Variants in UNC5C observed in about 807,000 individuals in gnomAD.
UNC5C encodes the protein unc-5 netrin receptor C.
UNC5C carries 47 observed loss-of-function variants against 99.8 expected under a neutral mutation model. The ratio of observed to expected loss-of-function variants is 0.47; its 90% CI spans 0.37 to 0.60. The LOEUF is 0.60. UNC5C is among the 20% of genes least tolerant of loss of function. UNC5C has a pLI of 0.00. For missense variants in UNC5C, 1,062 were observed against 1,165.9 expected, an observed-to-expected ratio of 0.91 and a Z score of 1.30; for synonymous variants, 487 against 452.2, an observed-to-expected ratio of 1.08 and a Z score of -0.98.
rs1350410161 is a variant in UNC5C, at chr4:95,166,765, A to G, written c.*2469T>C. 1 of 152,170 alleles carries G rather than the reference A, an allele frequency of 6.6e-6. No homozygotes were observed. Among genetic ancestry groups the G allele is most frequent in the Non-Finnish European group, 1.5e-5 (1 of 68,026 alleles). The allele number at this position is 152,170 out of a possible 1,614,324, so 9.4% of individuals were successfully genotyped here. A position where few individuals can be genotyped will look rare whatever the true frequency, so the allele number is the denominator to read the frequency against. On this transcript the variant is annotated 3_prime_UTR_variant, in exon 16 of 16. Coordinates refer to ENST00000453304, the MANE Select transcript of UNC5C (RefSeq NM_003728.4). ...GACAAGTTTATTTCAAAATGTAGGA[A>G]TGGACAATAGCTCTCTTTCCTCCTC...
chr4:95,522,569 AGCTTAAAAAAATCAAT>A (rs1051771007), intron 1 of UNC5C, among the ~76,000 whole-genome samples: 2 of 152,184 alleles, frequency 1.3e-5, no homozygotes, highest in Non-Finnish European at 2.9e-5. Flanking sequence ...CACAAAAAAA[AGCTTAAAAAAATCAAT>A]GGTGAAAAGA....
At chr4:95,335,342 AT>A (rs1743290717) in intron 2 of UNC5C, 67 bp downstream of exon 2, 1 of 1,359,776 alleles carries the variant, frequency 7.4e-7, no homozygotes, top group Non-Finnish European at 1.0e-6. Flanking sequence ...AAATAACAGT[AT>A]GTCCACATGC....
intron 3 of UNC5C, among the ~76,000 whole-genome samples, chr4:95,288,666 G>T (rs1741331790): frequency 6.6e-6 from 1 of 152,238 alleles, no homozygotes; most frequent in Admixed American, 6.5e-5. Context: ...CTTAGGGAGA[G>T]ACCATGACTT....
At chr4:95,536,286 G>C (rs1222147202) in intron 1 of UNC5C, among the ~76,000 whole-genome samples, 1 of 152,062 alleles carries the variant, frequency 6.6e-6, no homozygotes. Flanking sequence ...AGGTTGGCTA[G>C]GCTGGTCTTG....
intron 12 of UNC5C, among the ~76,000 whole-genome samples, chr4:95,185,596 T>A (rs1185398355): frequency 2.6e-5 from 4 of 152,196 alleles, no homozygotes; most frequent in African/African-American, 9.7e-5. Flanking sequence ...AGATTTTCAA[T>A]TAACTTTTAC....
intron 1 of UNC5C, among the ~76,000 whole-genome samples, chr4:95,466,433 G>A (rs1747780488): frequency 6.6e-6 from 1 of 152,088 alleles, no homozygotes; most frequent in Admixed American, 6.6e-5. Context: ...AAATTATGAT[G>A]CTTGTAACTT....
intron 1 of UNC5C, among the ~76,000 whole-genome samples, chr4:95,518,008 C>T (rs1413958899): frequency 6.6e-6 from 1 of 152,134 alleles, no homozygotes; most frequent in Non-Finnish European, 1.5e-5. Flanking sequence ...ACTGCATTAA[C>T]TCTAATCATG....
chr4:95,422,535 A>T (rs762683362), intron 1 of UNC5C, among the ~76,000 whole-genome samples: 1 of 149,724 alleles, frequency 6.7e-6, no homozygotes, highest in African/African-American at 2.5e-5. Context: ...GCCACTGATT[A>T]GATTTGCAAC....
chr4:95,178,256 T>C lies in UNC5C; in HGVS notation c.2451+4641A>G, dbSNP rs577513239. ...GATGCACCTCTAATAGTTATTCTGC[T>C]CTTTCTTTTCTTTGATCTCTGTCAG... On this transcript the variant is annotated intron_variant, in intron 14 of 15. Coordinates refer to ENST00000453304, the MANE Select transcript of UNC5C (RefSeq NM_003728.4). 2.3e-4 allele frequency among the ~76,000 whole-genome samples: 35 copies of C among 152,314 alleles called. No individual in the cohort carries two copies. In the South Asian group the frequency reaches 6.4e-3, roughly 28 times the overall value.
chr4:95,277,907 T>A (rs1740918399), intron 4 of UNC5C, among the ~76,000 whole-genome samples: 1 of 152,206 alleles, frequency 6.6e-6, no homozygotes, highest in South Asian at 2.1e-4. Context: ...TACACTCACA[T>A]TTTTCGCATA....
At chr4:95,465,418 C>G (rs1171902942) in intron 1 of UNC5C, among the ~76,000 whole-genome samples, 2 of 152,164 alleles carry the variant, frequency 1.3e-5, no homozygotes, top group African/African-American at 4.8e-5. Context: ...AATATGTAGT[C>G]TCTAAAGTCA....
intron 7 of UNC5C, among the ~76,000 whole-genome samples, chr4:95,220,698 G>T (rs1358151024): frequency 2.6e-5 from 4 of 152,170 alleles, no homozygotes; most frequent in Non-Finnish European, 4.4e-5. Context: ...GGAGAGGTGG[G>T]TGGGAATGGT....
intron 1 of UNC5C, among the ~76,000 whole-genome samples, chr4:95,350,115 T>C (rs1743931359): frequency 6.6e-6 from 1 of 152,190 alleles, no homozygotes; most frequent in Non-Finnish European, 1.5e-5. Context: ...CATTAGTACT[T>C]GACATTCACT....
At chr4:95,494,439 T>A (rs1186202737) in intron 1 of UNC5C, among the ~76,000 whole-genome samples, 1 of 151,400 alleles carries the variant, frequency 6.6e-6, no homozygotes, top group African/African-American at 2.4e-5. Context: ...GGCCCCATAA[T>A]TTGCACTGGA....
At chr4:95,209,749 G>A (rs796412542) in intron 10 of UNC5C, among the ~76,000 whole-genome samples, 1 of 152,252 alleles carries the variant, frequency 6.6e-6, no homozygotes, top group African/African-American at 2.4e-5. Context: ...CACAAGTCAA[G>A]TTCTGCTTTC....
At chr4:95,274,290 C>A (rs1268589751) in intron 4 of UNC5C, among the ~76,000 whole-genome samples, 1 of 152,150 alleles carries the variant, frequency 6.6e-6, no homozygotes, top group Non-Finnish European at 1.5e-5. Context: ...CAGGCCCTGG[C>A]TGGCTCCCTG....
chr4:95,521,511 C>T lies in UNC5C; in HGVS notation c.124+27223G>A, dbSNP rs183767529. ...GGGATTACAGGCATGAGCCTCCACGCCTGGCCTCTTCTTCTTTTTATAAGG... is the reference window on the plus strand; with the variant it reads ...GGGATTACAGGCATGAGCCTCCACGTCTGGCCTCTTCTTCTTTTTATAAGG... On this transcript the variant is annotated intron_variant, in intron 1 of 15. Coordinates refer to ENST00000453304, the MANE Select transcript of UNC5C (RefSeq NM_003728.4). 3.7e-4 allele frequency among the ~76,000 whole-genome samples: 56 copies of T among 152,164 alleles called. 1 individual carries two copies. The East Asian group carries it at 0.01, about 28-fold the overall frequency.
At chr4:95,278,176 C>T (rs1441031716) in intron 4 of UNC5C, 83 bp downstream of exon 4, 1 of 1,144,090 alleles carries the variant, frequency 8.7e-7, no homozygotes, top group Non-Finnish European at 1.3e-6. Flanking sequence ...TACCCTAATT[C>T]ACTGCACCAT....
At chr4:95,171,125 G>C (rs1247423486) in intron 14 of UNC5C, among the ~76,000 whole-genome samples, 1 of 152,064 alleles carries the variant, frequency 6.6e-6, no homozygotes, top group Admixed American at 6.6e-5. Flanking sequence ...ACTTGTGCTG[G>C]TTGGAAAAGC....
Sources: gnomAD v4.1 joint callset for allele counts (sites outside exome capture counted in the v4.1 genomes callset) on GRCh38, gnomAD v4.1.1 for gene constraint, MANE v1.5 for transcripts, NCBI Gene and HGNC (gene_info 2026-07-23, HGNC 2026-07-21) for gene names.